CFAP299: variants seen among roughly 807,000 people sequenced by gnomAD.
The protein encoded by CFAP299 is cilia and flagella associated protein 299, also known as cilia- and flagella-associated protein 299.
In CFAP299, 21 loss-of-function variants were observed where a neutral mutation model predicts 27.0. That is an observed-to-expected ratio of 0.78 (90% CI 0.55 to 1.12). The LOEUF (loss-of-function observed/expected upper bound fraction) is 1.12. Ranked by LOEUF, CFAP299 falls within the 50% of genes most tolerant of loss-of-function variation. The pLI, the probability that CFAP299 is intolerant of heterozygous loss-of-function variation, is 0.00. For missense variants in CFAP299, 310 were observed against 276.6 expected (o/e 1.12, Z -0.86); for synonymous variants, 104 against 98.1 (o/e 1.06, Z -0.36).
chr4:80,955,467 T>C (rs926355410), intron 5 of CFAP299, among the ~76,000 whole-genome samples: 1 of 152,212 alleles, frequency 6.6e-6, no homozygotes, highest in African/African-American at 2.4e-5. Flanking sequence ...AATTGCTTCC[T>C]AGTAGTGTAT....
intron 2 of CFAP299, among the ~76,000 whole-genome samples, chr4:80,493,564 A>G (rs1253746727): frequency 6.6e-6 from 1 of 152,096 alleles, no homozygotes; most frequent in East Asian, 1.9e-4. Context: ...TGGAGTAGGT[A>G]ATCGAAAAAG....
In CFAP299 at chr4:80,563,018, A is replaced by C. The variant is rs143419302; in HGVS notation, c.243-20075A>C. Among the ~76,000 whole-genome samples, 449 of 152,166 alleles carry C rather than the reference A, an allele frequency of 3.0e-3. 2 individuals carry two copies. The Middle Eastern group carries it at 0.031, about 10-fold the overall frequency. On this transcript the variant is annotated intron_variant, in intron 2 of 5. Coordinates refer to ENST00000358105, the MANE Select transcript of CFAP299 (RefSeq NM_152770.3). The stretch of plus-strand genomic sequence containing the variant: ...TTTCAACAATTTTAAATATATATAC[A>C]TGTACCCAACACTGGAGCACCTAGA...
At chr4:80,399,458 T>G (rs1010448586) in intron 2 of CFAP299, among the ~76,000 whole-genome samples, 2 of 152,030 alleles carry the variant, frequency 1.3e-5, no homozygotes, top group Admixed American at 1.3e-4. Flanking sequence ...CCATCAATGA[T>G]AGACTGGATT....
intron 2 of CFAP299, chr4:80,386,987 G>A (rs1007282377): frequency 1.3e-5 from 14 of 1,059,530 alleles, no homozygotes; most frequent in South Asian, 8.8e-5. Context: ...CCTTGAACCT[G>A]CCCCCACTGC....
In CFAP299 at chr4:80,937,312, CTTTTTT is replaced by C. The variant is rs70956081; in HGVS notation, c.477-7481_477-7476del. 6.2e-3 allele frequency among the ~76,000 whole-genome samples: 426 copies of C among 68,626 alleles called. 4 individuals are homozygous for C. Among genetic ancestry groups the C allele is most frequent in the Admixed American group, 0.012 (74 of 6,126 alleles). 45.0% of individuals were successfully genotyped at this position (68,626 alleles called of 152,430 possible). A position where few individuals can be genotyped will look rare whatever the true frequency, so the allele number is the denominator to read the frequency against. ...TTTTCTTTTTTCTTTTTTTTTCTTT[CTTTTTT>C]TTTTTTTTTTTTTTTTGAGACAGGG... On this transcript the variant is annotated intron_variant, in intron 4 of 5. Coordinates refer to ENST00000358105, the MANE Select transcript of CFAP299 (RefSeq NM_152770.3).
At chr4:80,589,715 T>G (rs1240102155) in intron 3 of CFAP299, among the ~76,000 whole-genome samples, 3 of 152,168 alleles carry the variant, frequency 2.0e-5, no homozygotes, top group East Asian at 3.8e-4. Context: ...CTAATCTGAT[T>G]GCTAATCAGA....
chr4:80,439,504 G>C (rs1342960390), intron 2 of CFAP299, among the ~76,000 whole-genome samples: 7 of 152,196 alleles, frequency 4.6e-5, no homozygotes, highest in African/African-American at 1.7e-4. Context: ...GAGGGATGGT[G>C]CTATACGGCC....
At chr4:80,822,904 T>C (rs1187804245) in intron 3 of CFAP299, among the ~76,000 whole-genome samples, 2 of 152,196 alleles carry the variant, frequency 1.3e-5, no homozygotes, top group Non-Finnish European at 2.9e-5. Context: ...TATTTTGTTT[T>C]TGTCTCTTTT....
chr4:80,722,436 G>GA (rs1392283062), intron 3 of CFAP299, among the ~76,000 whole-genome samples: 4 of 149,126 alleles, frequency 2.7e-5, no homozygotes, highest in South Asian at 2.1e-4. Context: ...AAAAGAAAAT[G>GA]AAAAAAAAGA....
intron 2 of CFAP299, among the ~76,000 whole-genome samples, chr4:80,447,167 G>A (rs1273899135): frequency 4.7e-5 from 5 of 107,016 alleles, no homozygotes; most frequent in African/African-American, 7.8e-5. Context: ...ACGGAGTCTC[G>A]CTCTGTCACC....
chr4:80,948,622 C>T (rs998077143), intron 5 of CFAP299, among the ~76,000 whole-genome samples: 2 of 151,902 alleles, frequency 1.3e-5, no homozygotes, highest in African/African-American at 4.8e-5. Context: ...CTAAAACTGG[C>T]ATGAACCACT....
At chr4:80,595,183 C>G (rs1399985458) in intron 3 of CFAP299, among the ~76,000 whole-genome samples, 4 of 152,128 alleles carry the variant, frequency 2.6e-5, no homozygotes, top group South Asian at 2.1e-4. Context: ...CCTTCCATAT[C>G]TCTGGAATTC....
intron 2 of CFAP299, among the ~76,000 whole-genome samples, chr4:80,502,982 G>A (rs1482705963): frequency 1.3e-5 from 2 of 152,086 alleles, no homozygotes; most frequent in African/African-American, 4.8e-5. Flanking sequence ...GACATGGTTA[G>A]ATAAGACTTC....
Position 80,447,119 on chromosome 4 carries a change from G to GTTTTTTT in CFAP299, c.242+84239_242+84245dup, listed in dbSNP as rs71641487. Reference sequence around the variant, plus strand: ...TTGTTTTTGTTTTTGCTTTTTATTTGTTTTTTTTTTGTTTTTTTTTTTTTT... The same window carrying GTTTTTTT: ...TTGTTTTTGTTTTTGCTTTTTATTTGTTTTTTTTTTTTTTTTTGTTTTTTTTTTTTTT... On this transcript the variant is annotated intron_variant, in intron 2 of 5. Transcript: ENST00000358105. Among the ~76,000 whole-genome samples, 29 of 65,526 alleles carry GTTTTTTT rather than the reference G, an allele frequency of 4.4e-4. 1 individual carries two copies. Among genetic ancestry groups the GTTTTTTT allele is most frequent in the East Asian group, 3.7e-3 (7 of 1,876 alleles). The allele number at this position is 65,526 out of a possible 152,430, so 43.0% of individuals were successfully genotyped here. A position where few individuals can be genotyped will look rare whatever the true frequency, so the allele number is the denominator to read the frequency against.
chr4:80,716,442 T>C lies in CFAP299; in HGVS notation c.333+133259T>C, dbSNP rs138396992. The stretch of plus-strand genomic sequence containing the variant: ...AATATATTCTATAAGACAGATCAAT[T>C]TGGGCTTCAGTTGAGTTCACTGATG... On this transcript the variant is annotated intron_variant, in intron 3 of 5. Coordinates refer to ENST00000358105, the MANE Select transcript of CFAP299 (RefSeq NM_152770.3). 1.0e-3 allele frequency among the ~76,000 whole-genome samples: 158 copies of C among 151,372 alleles called. No homozygotes were observed. In the East Asian group the frequency reaches 0.024, roughly 23 times the overall value.
intron 3 of CFAP299, among the ~76,000 whole-genome samples, chr4:80,588,073 T>C (rs1736539623): frequency 6.6e-6 from 1 of 151,204 alleles, no homozygotes; most frequent in Non-Finnish European, 1.5e-5. Flanking sequence ...CTAGTCTTAG[T>C]CTGATCTCAC....
chr4:80,505,426 C>G (rs1048192503), intron 2 of CFAP299, among the ~76,000 whole-genome samples: 3 of 100,824 alleles, frequency 3.0e-5, no homozygotes, highest in East Asian at 6.1e-4. Context: ...AAGACAATGG[C>G]ATAAAATTTT....
intron 2 of CFAP299, among the ~76,000 whole-genome samples, chr4:80,488,281 T>TA (rs1730928358): frequency 6.6e-6 from 1 of 152,154 alleles, no homozygotes; most frequent in Non-Finnish European, 1.5e-5. Context: ...GTTTTGGAAA[T>TA]ACACAAAGAT....
chr4:80,386,750 T>A (rs1406997480), intron 2 of CFAP299: 6 of 1,484,832 alleles, frequency 4.0e-6, no homozygotes, highest in Non-Finnish European at 5.6e-6. Flanking sequence ...GACATGGGCC[T>A]TCAGCTTGTC....
Sources: allele counts gnomAD v4.1 joint callset (sites outside exome capture counted in the v4.1 genomes callset), GRCh38; gene constraint gnomAD v4.1.1; transcripts MANE v1.5; gene names NCBI Gene and HGNC (gene_info 2026-07-23, HGNC 2026-07-21).